SDK2: variants seen among roughly 807,000 people sequenced by gnomAD.
SDK2 encodes the protein sidekick cell adhesion molecule 2, also known as protein sidekick-2.
Under a neutral mutation model 253.9 loss-of-function variants are expected in SDK2, and 105 were observed. The ratio of observed to expected loss-of-function variants is 0.41; its 90% CI spans 0.35 to 0.49. The LOEUF is 0.49. Ranked by LOEUF, SDK2 falls within the 20% of genes least tolerant of loss-of-function variation. The probability of loss-of-function intolerance (pLI) is 0.06; values close to 1 mark genes in which losing one functional copy is unlikely to be tolerated. For missense variants in SDK2, 2,608 were observed against 3,003.0 expected (o/e 0.87, Z 3.07); for synonymous variants, 1,249 against 1,234.9 (o/e 1.01, Z -0.24).
intron 36 of SDK2, among the ~76,000 whole-genome samples, chr17:73,376,192 CA>C (rs368856491): frequency 0.023 from 2,943 of 128,196 alleles, 82 homozygotes; most frequent in East Asian, 0.14. Flanking sequence ...GACTCCGTGT[CA>C]AAAAAAAAAA....
intron 16 of SDK2, among the ~76,000 whole-genome samples, chr17:73,417,832 C>T (rs2063195390): frequency 6.6e-6 from 1 of 152,096 alleles, no homozygotes; most frequent in African/African-American, 2.4e-5. Flanking sequence ...TAAATGTGTA[C>T]AAGCAAATTT....
At chr17:73,535,569 C>T (rs1438729043) in intron 1 of SDK2, among the ~76,000 whole-genome samples, 2 of 152,168 alleles carry the variant, frequency 1.3e-5, no homozygotes, top group Non-Finnish European at 2.9e-5. Context: ...ACATCCTGTT[C>T]CCCAGGAAAT....
chr17:73,616,904 G>A lies in SDK2; in HGVS notation c.64+27121C>T, dbSNP rs1216047520. Among the ~76,000 whole-genome samples, 1 of 151,952 alleles carries A rather than the reference G, an allele frequency of 6.6e-6. No individual in the cohort carries two copies. The highest frequency in any genetic ancestry group is 1.5e-5 in the Non-Finnish European group (1 of 67,970). Reference sequence around the variant, plus strand: ...AATGCAGAGGGGAGACAAAGTGGGCGGAGAGACAGCTCTCCTAGGGAGAGC... The same window carrying A: ...AATGCAGAGGGGAGACAAAGTGGGCAGAGAGACAGCTCTCCTAGGGAGAGC... On this transcript the variant is annotated intron_variant, in intron 1 of 44. Coordinates refer to ENST00000392650, the MANE Select transcript of SDK2 (RefSeq NM_001144952.2). This position sits in a 1 kb window ranked among gnomAD's most constrained non-coding sequence, Gnocchi z 5.2.
chr17:73,585,848 T>G (rs1209599462), intron 1 of SDK2, among the ~76,000 whole-genome samples: 2 of 152,180 alleles, frequency 1.3e-5, no homozygotes, highest in Non-Finnish European at 2.9e-5. Context: ...ACTAGACCCC[T>G]CTGAGCTCCA....
chr17:73,489,129 T>C (rs922937179), intron 2 of SDK2, among the ~76,000 whole-genome samples: 2 of 152,186 alleles, frequency 1.3e-5, no homozygotes, highest in African/African-American at 2.4e-5. Context: ...CTTGTCTCCA[T>C]GTACTGTGGT....
chr17:73,591,532 G>A (rs755331702), intron 1 of SDK2, among the ~76,000 whole-genome samples: 1 of 152,198 alleles, frequency 6.6e-6, no homozygotes, highest in Non-Finnish European at 1.5e-5. Flanking sequence ...GGCTGTTAGA[G>A]TTGGGGTTTG....
At chr17:73,484,820 C>A (rs1032358413) in intron 2 of SDK2, among the ~76,000 whole-genome samples, 2 of 152,210 alleles carry the variant, frequency 1.3e-5, no homozygotes, top group Non-Finnish European at 2.9e-5. Flanking sequence ...TCTCCTCCCC[C>A]ACTTTTCTTT....
chr17:73,605,716 G>T (rs913792376), intron 1 of SDK2, among the ~76,000 whole-genome samples: 2 of 151,950 alleles, frequency 1.3e-5, no homozygotes, highest in African/African-American at 4.9e-5. Context: ...CCTTGGCACC[G>T]GGATGACCTG....
chr17:73,627,136 G>T (rs1369015656), intron 1 of SDK2, among the ~76,000 whole-genome samples: 1 of 152,216 alleles, frequency 6.6e-6, no homozygotes, highest in Non-Finnish European at 1.5e-5. Context: ...GGGGGTTGTT[G>T]AAAGGATTCG....
chr17:73,644,059 T>C lies in SDK2; in HGVS notation c.30A>G (p.Leu10=). Residue 10 remains leucine (L), a synonymous_variant, in exon 1 of 45, where the codon CTA becomes CTG. Coordinates refer to ENST00000392650, the MANE Select transcript of SDK2 (RefSeq NM_001144952.2). The surrounding 1 kb of genome is among the most constrained non-coding windows in gnomAD (Gnocchi z 6.3). MWGLLIWTL[L]ALHQIRAARA... ...TGGCCGCGCGGATCTGATGCAGAGC[T>C]AGCAGTGTCCAGATCAAAAGCCCCC... is the stretch of plus-strand genomic sequence containing the variant. The C allele has an allele frequency of 6.5e-7, 1 of 1,545,018 alleles. No homozygotes were observed. The highest frequency in any genetic ancestry group is 8.7e-7 in the Non-Finnish European group (1 of 1,143,128).
Position 73,338,307 on chromosome 17 carries a change from C to G in SDK2, c.*280G>C, listed in dbSNP as rs1223060011. The stretch of plus-strand genomic sequence containing the variant: ...TGCCCGCCCCACTCCGTGTCCATAG[C>G]AGTGACACAGCCACTTCCCCAGCTC... On this transcript the variant is annotated 3_prime_UTR_variant, in exon 45 of 45. Transcript: ENST00000392650. The surrounding 1 kb of genome is among the most constrained non-coding windows in gnomAD (Gnocchi z 5.0). 1.7e-6 allele frequency: 1 copy of G among 593,592 alleles called. No individual in the cohort carries two copies. The highest frequency in any genetic ancestry group is 3.2e-6 in the Non-Finnish European group (1 of 316,010). 36.8% of individuals were successfully genotyped at this position (593,592 alleles called of 1,614,324 possible). A position where few individuals can be genotyped will look rare whatever the true frequency, so the allele number is the denominator to read the frequency against.
Position 73,437,786 on chromosome 17 carries a change from ATG to A in SDK2, c.951_952del (p.Ile318HisfsTer56). Reference sequence around the variant, plus strand: ...CACCACCTTCTCCATCTCCGCAGTGATGTGTCTTTCTGGCTCCTTGACAAACT... The same window carrying A: ...CACCACCTTCTCCATCTCCGCAGTGATGTCTTTCTGGCTCCTTGACAAACT... On this transcript the variant is annotated frameshift_variant, in exon 8 of 45. Transcript: ENST00000392650. LOFTEE classifies it high-confidence loss of function. The A allele has an allele frequency of 6.2e-7, 1 of 1,613,958 alleles. No individual in the cohort carries two copies. The highest frequency in any genetic ancestry group is 8.5e-7 in the Non-Finnish European group (1 of 1,179,884).
chr17:73,586,313 A>G (rs967655277), intron 1 of SDK2, among the ~76,000 whole-genome samples: 3 of 151,910 alleles, frequency 2.0e-5, no homozygotes, highest in African/African-American at 7.3e-5. Context: ...ATTCTCTTCA[A>G]AAGGAAGGGG....
intron 33 of SDK2, 102 bp from the exon 34 acceptor site, chr17:73,381,052 G>A (rs1459732111): frequency 3.2e-5 from 23 of 716,822 alleles, no homozygotes; most frequent in Admixed American, 2.7e-4. Flanking sequence ...CCGGCCAGGC[G>A]GGGCTGACGG....
chr17:73,460,936 G>GT (rs1170499815), intron 3 of SDK2, among the ~76,000 whole-genome samples: 1 of 152,144 alleles, frequency 6.6e-6, no homozygotes, highest in Non-Finnish European at 1.5e-5. Flanking sequence ...CTCCTCTCTA[G>GT]TTTTATTAGC....
intron 1 of SDK2, among the ~76,000 whole-genome samples, chr17:73,561,987 G>A (rs1052689651): frequency 6.6e-5 from 10 of 152,120 alleles, no homozygotes; most frequent in African/African-American, 2.4e-4. Flanking sequence ...TTAGCTGGGC[G>A]TGGTGGTGTG....
At chr17:73,439,060 C>T (rs572064897) in intron 6 of SDK2, among the ~76,000 whole-genome samples, 1 of 152,312 alleles carries the variant, frequency 6.6e-6, no homozygotes, top group South Asian at 2.1e-4. Flanking sequence ...ATCCACAATG[C>T]TTGGTGTTAC....
intron 1 of SDK2, among the ~76,000 whole-genome samples, chr17:73,575,161 G>A (rs1007610955): frequency 2.6e-5 from 4 of 152,176 alleles, no homozygotes; most frequent in Non-Finnish European, 5.9e-5. Flanking sequence ...GGGTGATCCT[G>A]GGCAGGCTGC....
rs895184540 is a variant in SDK2 at position 73,363,553 on chromosome 17, G to A, written c.5305+1705C>T. Among the ~76,000 whole-genome samples, 5 of 152,174 alleles carry A rather than the reference G, an allele frequency of 3.3e-5. No homozygotes were observed. The East Asian group carries it at 7.7e-4, about 23-fold the overall frequency. ...ACAGTGGGGGCTGCTGGGCTTTTGT[G>A]AGGCTGGTTTGCTATTGACCTGAAC... On this transcript the variant is annotated intron_variant, in intron 38 of 44. Coordinates refer to ENST00000392650, the MANE Select transcript of SDK2 (RefSeq NM_001144952.2).
Sources: allele counts gnomAD v4.1 joint callset (sites outside exome capture counted in the v4.1 genomes callset), GRCh38; gene constraint gnomAD v4.1.1; non-coding constraint Gnocchi (gnomAD v3.1); transcripts MANE v1.5; gene names NCBI Gene and HGNC (gene_info 2026-07-23, HGNC 2026-07-21).